Variants in PCDH15 observed in about 807,000 individuals in gnomAD.
PCDH15 encodes protocadherin related 15, also known as protocadherin-15.
Under a neutral mutation model 178.5 loss-of-function variants are expected in PCDH15, and 129 were observed. That is an observed-to-expected ratio of 0.72 (90% confidence interval 0.63 to 0.84). The LOEUF is 0.84. Ranked by LOEUF, PCDH15 falls within the 40% of genes least tolerant of loss-of-function variation. The pLI is 0.00. For missense variants in PCDH15, 2,230 were observed against 2,099.9 expected (o/e 1.06, Z -1.21); for synonymous variants, 800 against 732.0 (o/e 1.09, Z -1.50).
Position 53,897,091 on chromosome 10 carries a change from T to G in PCDH15, c.3501+6152A>C, listed in dbSNP as rs567472350. Among the ~76,000 whole-genome samples the G allele has an allele frequency of 3.7e-4, 57 of 152,280 alleles. No homozygotes were observed. In the East Asian group the frequency reaches 0.011, roughly 28 times the overall value. On this transcript the variant is annotated intron_variant, in intron 26 of 37. Transcript: ENST00000644397. ...TGGTGCCAAAAAGGTTGGGGACCGC[T>G]GGTGTAGGACATTTCAGTTAATGAT... is the stretch of plus-strand genomic sequence containing the variant.
intron 4 of PCDH15, among the ~76,000 whole-genome samples, chr10:54,375,584 C>T (rs1757664771): frequency 6.6e-6 from 1 of 151,572 alleles, no homozygotes; most frequent in Non-Finnish European, 1.5e-5. Context: ...TCAGAATATT[C>T]TTAGAAAAGC....
At chr10:55,347,313 T>C (rs911293276) in intron 2 of PCDH15, among the ~76,000 whole-genome samples, 3 of 152,152 alleles carry the variant, frequency 2.0e-5, no homozygotes, top group Non-Finnish European at 4.4e-5. Context: ...CTATAAAATA[T>C]GCTGAGGTAA....
At chr10:54,233,160 T>C (rs1166496122) in intron 9 of PCDH15, among the ~76,000 whole-genome samples, 2 of 152,020 alleles carry the variant, frequency 1.3e-5, no homozygotes, top group African/African-American at 2.4e-5. Flanking sequence ...CCCAGGCTGG[T>C]CTCAAACTCC....
intron 3 of PCDH15, among the ~76,000 whole-genome samples, chr10:54,407,699 C>T (rs11004278): frequency 0.39 from 59,696 of 151,774 alleles, 12,875 homozygotes; most frequent in Non-Finnish European, 0.49. Flanking sequence ...TCCAGGAGAA[C>T]GTGCTTCACT....
intron 2 of PCDH15, among the ~76,000 whole-genome samples, chr10:55,129,183 T>C (rs1051363181): frequency 2.0e-5 from 3 of 152,138 alleles, no homozygotes; most frequent in Non-Finnish European, 2.9e-5. Context: ...GTATTTGCTA[T>C]ACAAAAGTCA....
chr10:55,273,888 G>T (rs1842515053), intron 1 of PCDH15, among the ~76,000 whole-genome samples: 1 of 151,368 alleles, frequency 6.6e-6, no homozygotes, highest in South Asian at 2.1e-4. Context: ...AAGAATCCAG[G>T]CTCAATAACA....
At chr10:54,748,958 T>C (rs956345512) in intron 1 of PCDH15, among the ~76,000 whole-genome samples, 3 of 152,220 alleles carry the variant, frequency 2.0e-5, no homozygotes, top group African/African-American at 7.2e-5. Context: ...CTAGCTATTT[T>C]ATGTTTCTTT....
At chr10:54,915,689 C>G (rs1954890611) in intron 2 of PCDH15, among the ~76,000 whole-genome samples, 2 of 152,082 alleles carry the variant, frequency 1.3e-5, no homozygotes, top group Non-Finnish European at 2.9e-5. Context: ...CAAGGACAGG[C>G]CACTTCCAAA....
chr10:54,684,697 C>T (rs552389831), intron 1 of PCDH15, among the ~76,000 whole-genome samples: 2 of 152,042 alleles, frequency 1.3e-5, no homozygotes, highest in South Asian at 2.1e-4. Flanking sequence ...TAGATCAATA[C>T]CATGTGTATA....
At chr10:54,222,286 C>T (rs185818132) in intron 9 of PCDH15, among the ~76,000 whole-genome samples, 3 of 152,272 alleles carry the variant, frequency 2.0e-5, no homozygotes, top group Admixed American at 1.3e-4. Context: ...GTAGTCAATA[C>T]CACAATCGGG....
chr10:54,396,160 C>A (rs995643304), intron 3 of PCDH15, among the ~76,000 whole-genome samples: 1 of 152,166 alleles, frequency 6.6e-6, no homozygotes, highest in Non-Finnish European at 1.5e-5. Flanking sequence ...CTGTTATGGG[C>A]CTGGAGATGG....
chr10:55,034,463 A>G (rs1428030965), intron 2 of PCDH15, among the ~76,000 whole-genome samples: 2 of 152,264 alleles, frequency 1.3e-5, no homozygotes, highest in Non-Finnish European at 2.9e-5. Context: ...TTACTTTGGC[A>G]TATTTTTTTG....
intron 1 of PCDH15, among the ~76,000 whole-genome samples, chr10:54,705,341 T>C (rs1019795442): frequency 1.3e-5 from 2 of 152,112 alleles, no homozygotes; most frequent in African/African-American, 4.8e-5. Flanking sequence ...CTAAGATTAA[T>C]CCATATCAGT....
intron 20 of PCDH15, among the ~76,000 whole-genome samples, chr10:54,018,936 T>A (rs1335346646): frequency 6.6e-6 from 1 of 152,104 alleles, no homozygotes; most frequent in Non-Finnish European, 1.5e-5. Context: ...TCAAAACATG[T>A]ATACTAAAGT....
At chr10:53,951,217 T>C (rs759639953) in intron 23 of PCDH15, among the ~76,000 whole-genome samples, 1 of 152,312 alleles carries the variant, frequency 6.6e-6, no homozygotes, top group East Asian at 1.9e-4. Context: ...TAAATAGATA[T>C]GAAGAAACTA....
intron 2 of PCDH15, among the ~76,000 whole-genome samples, chr10:54,555,376 A>C (rs1430495630): frequency 6.6e-6 from 1 of 152,104 alleles, no homozygotes; most frequent in Admixed American, 6.6e-5. Context: ...GGGATTTCCT[A>C]TGTAAACAGA....
At chr10:55,400,847 C>T (rs967399473) in intron 2 of PCDH15, among the ~76,000 whole-genome samples, 1 of 152,044 alleles carries the variant, frequency 6.6e-6, no homozygotes, top group Non-Finnish European at 1.5e-5. Context: ...TTCAGTGGGA[C>T]CACAACCATG....
chr10:54,374,909 T>C (rs1948181265), intron 4 of PCDH15, among the ~76,000 whole-genome samples: 1 of 152,116 alleles, frequency 6.6e-6, no homozygotes, highest in Admixed American at 6.6e-5. Context: ...AGCTTATTTT[T>C]AACACACTGT....
At chr10:54,014,310 T>A (rs2610870) in intron 20 of PCDH15, among the ~76,000 whole-genome samples, 116,132 of 152,000 alleles carry the variant, frequency 0.76, 44,634 homozygotes, top group Middle Eastern at 0.86. Flanking sequence ...CCAGGACCAG[T>A]TAGATTCACA....
Sources: gnomAD v4.1 joint callset for allele counts (sites outside exome capture counted in the v4.1 genomes callset) on GRCh38, gnomAD v4.1.1 for gene constraint, MANE v1.5 for transcripts, NCBI Gene and HGNC (gene_info 2026-07-23, HGNC 2026-07-21) for gene names.